Variants in PPIP5K1 observed in about 807,000 individuals in gnomAD.
The protein encoded by PPIP5K1 is diphosphoinositol pentakisphosphate kinase 1.
A neutral mutation model predicts 27.7 loss-of-function variants in PPIP5K1; 6 were observed. That is an observed-to-expected ratio of 0.22 (90% CI 0.12 to 0.43). The LOEUF is 0.43. PPIP5K1 is among the 20% of genes least tolerant of loss of function. The pLI, the probability that PPIP5K1 is intolerant of heterozygous loss-of-function variation, is 1.00. For missense variants in PPIP5K1, 394 were observed against 635.4 expected (o/e 0.62, Z 4.08); for synonymous variants, 145 against 242.6 (o/e 0.60, Z 3.74).
chr15:43,559,058 C>T (rs2083433281), intron 29 of PPIP5K1, 126 bp from the exon 30 acceptor site: 1 of 1,133,010 alleles, frequency 8.8e-7, no homozygotes, highest in African/African-American at 1.5e-5. Context: ...GTTGGGTATC[C>T]AAGACTCTTA....
rs1023973598 is a variant in PPIP5K1, at chr15:43,534,432, C to T, written c.*242G>A. The stretch of plus-strand genomic sequence containing the variant: ...CTTCATACAAAGAGAACTACTTCCC[C>T]AGACACCGCTGGTGAGAGCTGGCCA... On this transcript the variant is annotated 3_prime_UTR_variant, in exon 32 of 32. Coordinates refer to ENST00000420765, the MANE Select transcript of PPIP5K1 (RefSeq NM_001394395.1). 1 of 389,406 alleles carries T rather than the reference C, an allele frequency of 2.6e-6. No homozygotes were observed. The highest frequency in any genetic ancestry group is 4.6e-6 in the Non-Finnish European group (1 of 218,566). 24.1% of individuals were successfully genotyped at this position (389,406 alleles called of 1,614,324 possible).
chr15:43,580,758 C>T (rs1409188050), intron 10 of PPIP5K1, among the ~76,000 whole-genome samples: 4 of 71,230 alleles, frequency 5.6e-5, no homozygotes, highest in Non-Finnish European at 9.4e-5. Context: ...CCATGCCTGG[C>T]TAAGGTTGTA....
chr15:43,561,041 T>TCACTCAGAGTGTCAAA (rs761177637), intron 28 of PPIP5K1, among the ~76,000 whole-genome samples: 37,227 of 118,374 alleles, frequency 0.31, 1,975 homozygotes, highest in African/African-American at 0.51. Context: ...AATGAAAAAG[T>TCACTCAGAGTGTCAAA]GATGGTATTG....
intron 30 of PPIP5K1, among the ~76,000 whole-genome samples, chr15:43,554,701 AAAC>A (rs1198467094): frequency 1.3e-5 from 2 of 152,046 alleles, no homozygotes; most frequent in Non-Finnish European, 2.9e-5. Context: ...TTAGAAAACA[AAAC>A]AACATGAGAG....
chr15:43,535,984 T>C, intron 31 of PPIP5K1: 1 of 833,770 alleles, frequency 1.2e-6, no homozygotes, highest in African/African-American at 1.9e-5. Context: ...CATTTGAATC[T>C]GATGTACACC....
chr15:43,542,304 G>A (rs1016376013), intron 30 of PPIP5K1, among the ~76,000 whole-genome samples: 7 of 128,544 alleles, frequency 5.4e-5, no homozygotes, highest in South Asian at 2.8e-4. Flanking sequence ...ATTTTGGCGG[G>A]GGGGGGGGGC....
intron 30 of PPIP5K1, among the ~76,000 whole-genome samples, chr15:43,555,669 C>T (rs766107945): frequency 9.2e-5 from 14 of 151,684 alleles, no homozygotes; most frequent in Non-Finnish European, 1.9e-4. Flanking sequence ...TACAGTGGCA[C>T]GATCTCAGCT....
At chr15:43,543,859 T>A (rs1595738080) in intron 30 of PPIP5K1, among the ~76,000 whole-genome samples, 2 of 151,624 alleles carry the variant, frequency 1.3e-5, no homozygotes, top group Admixed American at 1.3e-4. Flanking sequence ...CACTGTAGTA[T>A]CAATATCACT....
intron 30 of PPIP5K1, among the ~76,000 whole-genome samples, chr15:43,548,905 G>A (rs2140760355): frequency 6.6e-6 from 1 of 150,504 alleles, no homozygotes; most frequent in African/African-American, 2.4e-5. Flanking sequence ...GCAAGCACCT[G>A]TAATCCCAGC....
chr15:43,556,225 C>G (rs995806634), intron 30 of PPIP5K1, among the ~76,000 whole-genome samples: 7 of 151,948 alleles, frequency 4.6e-5, no homozygotes, highest in African/African-American at 1.7e-4. Context: ...GAGGCTGAGG[C>G]AGAAGAATCA....
In PPIP5K1 at chr15:43,535,052, C is replaced by G. The variant is rs1168424302; in HGVS notation, c.4095G>C (p.Gln1365His). The G allele has an allele frequency of 1.2e-6, 2 of 1,613,496 alleles. No individual in the cohort carries two copies. The highest frequency in any genetic ancestry group is 1.7e-6 in the Non-Finnish European group (2 of 1,179,886). The change falls in exon 32 of 32, where the codon CAG (glutamine) becomes CAC (histidine). Residue 1365 changes from glutamine (Q) to histidine (H), a missense_variant. This residue lies in a region of PPIP5K1 where 379 missense variants were observed against 423.9 expected (regional missense o/e 0.89). Transcript: ENST00000420765. The part of the protein sequence containing the change: ...HTCQEVPHIS[Q>H]PCQKSSQLCQ... ...ACAGTTGGCTGGACTTCTGGCATGG[C>G]TGGCTGATGTGAGGGACCTCCTGGC...
intron 30 of PPIP5K1, chr15:43,548,436 G>C (rs2140733742): frequency 6.6e-6 from 1 of 150,888 alleles, no homozygotes; most frequent in South Asian, 2.1e-4. Flanking sequence ...TTTTTGTAGA[G>C]ACAGGGTTTC....
In PPIP5K1 at chr15:43,534,594, G is replaced by A. The variant is rs1270094128; in HGVS notation, c.*80C>T. The stretch of plus-strand genomic sequence containing the variant: ...GGCTAGAGACTGGCTCTGAGGGTTT[G>A]GATCACCAGATGGATGCTGGGCTTG... On this transcript the variant is annotated 3_prime_UTR_variant, in exon 32 of 32. Transcript: ENST00000420765. 3 of 1,300,450 alleles carry A rather than the reference G, an allele frequency of 2.3e-6. No homozygotes were observed. Among genetic ancestry groups the A allele is most frequent in the Non-Finnish European group, 3.2e-6 (3 of 951,462 alleles). 80.6% of individuals were successfully genotyped at this position (1,300,450 alleles called of 1,614,324 possible).
intron 30 of PPIP5K1, among the ~76,000 whole-genome samples, chr15:43,548,083 C>A (rs2081596379): frequency 6.6e-6 from 1 of 151,960 alleles, no homozygotes; most frequent in Admixed American, 6.6e-5. Context: ...GGGCTACAGG[C>A]ATGCATCACC....
chr15:43,545,921 C>G (rs984858596), intron 30 of PPIP5K1, among the ~76,000 whole-genome samples: 2 of 152,088 alleles, frequency 1.3e-5, no homozygotes, highest in Non-Finnish European at 2.9e-5. Context: ...AACCCCATAT[C>G]CATTAAGAAG....
chr15:43,552,296 C>G (rs2082307239), intron 30 of PPIP5K1, among the ~76,000 whole-genome samples: 2 of 152,016 alleles, frequency 1.3e-5, no homozygotes, highest in Non-Finnish European at 2.9e-5. Context: ...ATAAAGTTCT[C>G]TCTGAGCACT....
chr15:43,549,747 G>A (rs776989530), intron 30 of PPIP5K1, among the ~76,000 whole-genome samples: 5 of 152,192 alleles, frequency 3.3e-5, no homozygotes, highest in Non-Finnish European at 5.9e-5. Context: ...GAGGTAGGAG[G>A]ATCACTTGAT....
intron 30 of PPIP5K1, among the ~76,000 whole-genome samples, chr15:43,553,423 G>C (rs1261053740): frequency 6.6e-6 from 1 of 151,696 alleles, no homozygotes; most frequent in Admixed American, 6.6e-5. Flanking sequence ...CACTACAACA[G>C]CCTTAACTTC....
chr15:43,534,694 C>A lies in PPIP5K1; in HGVS notation c.4453G>T (p.Val1485Phe), dbSNP rs778662387. ...PEEIDLQAQE[V>F]PEEIN ...GACTTCTAATTTATCTCCTCAGGGA[C>A]CTCCTGGGCCTGCAGATCAATCTCC... The change falls in exon 32 of 32, where the codon GTC becomes TTC. Residue 1485 changes from valine to phenylalanine, a missense_variant. Coordinates refer to ENST00000420765, the MANE Select transcript of PPIP5K1 (RefSeq NM_001394395.1). 4.6e-6 allele frequency: 7 copies of A among 1,525,514 alleles called. No individual in the cohort carries two copies. The highest frequency in any genetic ancestry group is 1.8e-6 in the Non-Finnish European group (2 of 1,140,732). The allele number at this position is 1,525,514 out of a possible 1,614,324, so 94.5% of individuals were successfully genotyped here.
Sources: allele counts gnomAD v4.1 joint callset (sites outside exome capture counted in the v4.1 genomes callset), GRCh38; gene constraint gnomAD v4.1.1; regional missense constraint gnomAD v4.1.1; transcripts MANE v1.5; gene names NCBI Gene and HGNC (gene_info 2026-07-23, HGNC 2026-07-21).